Variants in CNBD1 observed in about 807,000 individuals in gnomAD.
CNBD1 encodes the protein cyclic nucleotide-binding domain-containing protein 1.
CNBD1 carries 71 observed loss-of-function variants against 54.4 expected under a neutral mutation model. The observed-to-expected ratio is 1.30, with a 90% CI of 1.08 to 1.59. CNBD1 has a LOEUF of 1.59. Ranked by LOEUF, CNBD1 falls within the 40% of genes most tolerant of loss-of-function variation. The probability of loss-of-function intolerance (pLI) is 0.00; values close to 1 mark genes in which losing one functional copy is unlikely to be tolerated. For missense variants in CNBD1, 659 were observed against 518.0 expected (o/e 1.27, Z -2.64); for synonymous variants, 182 against 170.7 (o/e 1.07, Z -0.51).
At chr8:87,406,973 T>C (rs1477884922) in intron 2 of CNBD1, among the ~76,000 whole-genome samples, 1 of 152,156 alleles carries the variant, frequency 6.6e-6, no homozygotes, top group Non-Finnish European at 1.5e-5. Flanking sequence ...GTTTTAATTA[T>C]AAAATCAATG....
At chr8:87,103,021 G>A (rs1427446438) in intron 4 of CNBD1, among the ~76,000 whole-genome samples, 1 of 152,192 alleles carries the variant, frequency 6.6e-6, no homozygotes, top group Non-Finnish European at 1.5e-5. Context: ...TAAGGTGGTA[G>A]CGTTTACTAA....
At chr8:87,401,092 A>T (rs1411002482) in intron 2 of CNBD1, among the ~76,000 whole-genome samples, 1 of 152,054 alleles carries the variant, frequency 6.6e-6, no homozygotes, top group Non-Finnish European at 1.5e-5. Context: ...AAAAGCTTGC[A>T]GTGAGGCAAC....
intron 4 of CNBD1, among the ~76,000 whole-genome samples, chr8:87,070,711 G>A (rs181682174): frequency 6.6e-6 from 1 of 152,138 alleles, no homozygotes; most frequent in Admixed American, 6.5e-5. Flanking sequence ...ATTAGATTGG[G>A]AGGGGTGATT....
At chr8:87,308,907 CAT>C (rs1386783343) in intron 8 of CNBD1, among the ~76,000 whole-genome samples, 1 of 152,160 alleles carries the variant, frequency 6.6e-6, no homozygotes. Flanking sequence ...CATGTTGCTG[CAT>C]ATGACAGCAT....
intron 8 of CNBD1, among the ~76,000 whole-genome samples, chr8:87,346,966 G>T (rs570409384): frequency 6.6e-5 from 10 of 152,016 alleles, no homozygotes; most frequent in Non-Finnish European, 1.5e-4. Flanking sequence ...TTAATTCAGA[G>T]CCAGGACCAA....
intron 8 of CNBD1, among the ~76,000 whole-genome samples, chr8:87,330,652 A>G (rs1809804352): frequency 6.6e-6 from 1 of 152,086 alleles, no homozygotes; most frequent in Admixed American, 6.5e-5. Flanking sequence ...GAGAGAAGAA[A>G]TTGTATGATT....
chr8:86,915,684 A>G (rs1809172396), intron 3 of CNBD1, among the ~76,000 whole-genome samples: 1 of 152,208 alleles, frequency 6.6e-6, no homozygotes, highest in South Asian at 2.1e-4. Flanking sequence ...AACTTTCCAG[A>G]CAAGATGTGT....
intron 10 of CNBD1, among the ~76,000 whole-genome samples, chr8:87,367,169 T>A (rs1810658041): frequency 1.3e-5 from 2 of 152,092 alleles, no homozygotes. Flanking sequence ...CACTCCTATA[T>A]TCTTTGTCCT....
chr8:87,416,187 A>G (rs1200876102), intron 2 of CNBD1, among the ~76,000 whole-genome samples: 2 of 152,152 alleles, frequency 1.3e-5, no homozygotes, highest in East Asian at 3.9e-4. Flanking sequence ...AAAATCCACA[A>G]TTCTAATCAG....
chr8:86,954,199 C>G (rs573839067), intron 4 of CNBD1, among the ~76,000 whole-genome samples: 2 of 152,248 alleles, frequency 1.3e-5, no homozygotes, highest in South Asian at 2.1e-4. Flanking sequence ...AAAGAGAAAG[C>G]AACATTTCAC....
intron 5 of CNBD1, among the ~76,000 whole-genome samples, chr8:87,230,029 T>C (rs1479067540): frequency 6.6e-6 from 1 of 151,852 alleles, no homozygotes; most frequent in Non-Finnish European, 1.5e-5. Context: ...TGGCATCTGC[T>C]TAACTTCTGG....
At position 87,390,943 on chromosome 8, in the gene CNBD1, G is replaced by C. The variant is rs553827200; in HGVS notation, c.213+37157G>C. On this transcript the variant is annotated intron_variant, in intron 2 of 7. Coordinates refer to the CNBD1 transcript ENST00000521593. Reference sequence around the variant, plus strand: ...ACGATGAGTTCATATCCTTTGTAGGGAGATGGATGAAGCTGGAAACCATCA... The same window carrying C: ...ACGATGAGTTCATATCCTTTGTAGGCAGATGGATGAAGCTGGAAACCATCA... Among the ~76,000 whole-genome samples the C allele has an allele frequency of 1.2e-4, 19 of 152,212 alleles. No homozygotes were observed. The South Asian group carries it at 3.9e-3, about 32-fold the overall frequency.
At chr8:87,355,364 T>C (rs762171176) in intron 10 of CNBD1, among the ~76,000 whole-genome samples, 26 of 152,166 alleles carry the variant, frequency 1.7e-4, no homozygotes, top group Non-Finnish European at 7.3e-5. Context: ...TTTATGTTTT[T>C]GGTTCAGGTC....
intron 4 of CNBD1, among the ~76,000 whole-genome samples, chr8:87,109,541 T>TTTC (rs576791867): frequency 0.11 from 5,267 of 49,712 alleles, 106 homozygotes; most frequent in Non-Finnish European, 0.15. Context: ...TCTTTCTTTC[T>TTTC]TTTTTTTTTT....
chr8:86,915,793 T>C (rs753520252), intron 3 of CNBD1, among the ~76,000 whole-genome samples: 1 of 152,230 alleles, frequency 6.6e-6, no homozygotes, highest in Non-Finnish European at 1.5e-5. Context: ...GTGTCTATTT[T>C]GCCACTCAGT....
chr8:87,301,580 A>C (rs902952514), intron 8 of CNBD1, among the ~76,000 whole-genome samples: 2 of 152,152 alleles, frequency 1.3e-5, no homozygotes, highest in Non-Finnish European at 2.9e-5. Context: ...ATATAAACAG[A>C]ACGCAAGTCA....
At chr8:86,913,394 C>A (rs1053248452) in intron 3 of CNBD1, among the ~76,000 whole-genome samples, 1 of 152,016 alleles carries the variant, frequency 6.6e-6, no homozygotes, top group African/African-American at 2.4e-5. Context: ...CCATTGTTAT[C>A]GGGGGAACCT....
intron 6 of CNBD1, among the ~76,000 whole-genome samples, chr8:87,262,031 G>A (rs1368691094): frequency 6.6e-6 from 1 of 151,708 alleles, no homozygotes; most frequent in Non-Finnish European, 1.5e-5. Flanking sequence ...GTGCATGCCT[G>A]TAGTCCCAGC....
At chr8:87,379,570 G>C (rs998212465) in intron 10 of CNBD1, among the ~76,000 whole-genome samples, 1 of 151,798 alleles carries the variant, frequency 6.6e-6, no homozygotes, top group Non-Finnish European at 1.5e-5. Flanking sequence ...ATGAGAAATA[G>C]ATCTTGATGA....
Sources: gnomAD v4.1 joint callset for allele counts (sites outside exome capture counted in the v4.1 genomes callset) on GRCh38, gnomAD v4.1.1 for gene constraint, MANE v1.5 for transcripts, NCBI Gene and HGNC (gene_info 2026-07-23, HGNC 2026-07-21) for gene names.